The following UNC13A variants were observed in gnomAD, a reference collection of about 807,000 sequenced individuals.
UNC13A encodes unc-13 homolog A, also known as protein unc-13 homolog A.
In UNC13A, 61 loss-of-function variants were observed where a neutral mutation model predicts 219.7. The observed-to-expected ratio is 0.28, with a 90% CI of 0.23 to 0.34. The LOEUF (loss-of-function observed/expected upper bound fraction) is 0.34, where lower values mean the gene tolerates loss of function less well. Ranked by LOEUF, UNC13A falls within the 10% of genes least tolerant of loss-of-function variation. UNC13A has a pLI of 1.00. For missense variants in UNC13A, 1,476 were observed against 2,270.3 expected (o/e 0.65, Z 7.11); for synonymous variants, 920 against 884.6 (o/e 1.04, Z -0.71).
chr19:17,636,779 A>G (rs2076916708), intron 25 of UNC13A, among the ~76,000 whole-genome samples: 1 of 152,226 alleles, frequency 6.6e-6, no homozygotes, highest in South Asian at 2.1e-4. Flanking sequence ...GAATATAATC[A>G]GCTGAAATTA....
At chr19:17,616,389 G>C (rs919434224) in intron 41 of UNC13A, 1 of 692,404 alleles carries the variant, frequency 1.4e-6, no homozygotes, top group Admixed American at 2.0e-5. Flanking sequence ...GGCGGCGGGC[G>C]GGAGGCGGAG....
intron 6 of UNC13A, among the ~76,000 whole-genome samples, chr19:17,667,279 A>G (rs1374913552): frequency 6.6e-6 from 1 of 151,624 alleles, no homozygotes; most frequent in Non-Finnish European, 1.5e-5. Flanking sequence ...AGATGGGAAC[A>G]GTAGACATTG....
intron 7 of UNC13A, among the ~76,000 whole-genome samples, chr19:17,665,305 A>C (rs534436127): frequency 6.6e-6 from 1 of 152,172 alleles, no homozygotes; most frequent in African/African-American, 2.4e-5. Flanking sequence ...CTCTGCCCTG[A>C]GGCTATATGA....
Position 17,672,076 on chromosome 19 carries a change from G to C in UNC13A, c.270+302C>G, listed in dbSNP as rs556081206. On this transcript the variant is annotated intron_variant, in intron 4 of 43. Coordinates refer to ENST00000519716, the MANE Select transcript of UNC13A (RefSeq NM_001080421.3). Reference sequence around the variant, plus strand: ...CACATGTCTAAGTTCTGGCCAATGAGATGTGCATGAACCACCCCCCTCCCC... The same window carrying C: ...CACATGTCTAAGTTCTGGCCAATGACATGTGCATGAACCACCCCCCTCCCC... Among the ~76,000 whole-genome samples the C allele has an allele frequency of 3.3e-5, 5 of 152,228 alleles. No homozygotes were observed. The South Asian group carries it at 1.0e-3, about 32-fold the overall frequency.
chr19:17,634,243 T>A (rs2076888774), intron 26 of UNC13A, among the ~76,000 whole-genome samples: 1 of 151,730 alleles, frequency 6.6e-6, no homozygotes, highest in African/African-American at 2.4e-5. Context: ...TATTCATCCA[T>A]CCACCTATCC....
chr19:17,638,654 C>G (rs2076935896), intron 25 of UNC13A, among the ~76,000 whole-genome samples: 1 of 151,712 alleles, frequency 6.6e-6, no homozygotes, highest in Non-Finnish European at 1.5e-5. Flanking sequence ...ATGGTGAAAC[C>G]CCGTTTTTAC....
At chr19:17,645,502 G>A (rs925846828) in intron 19 of UNC13A, among the ~76,000 whole-genome samples, 172 bp downstream of exon 19, 1 of 151,884 alleles carries the variant, frequency 6.6e-6, no homozygotes, top group Non-Finnish European at 1.5e-5. Context: ...TCCTGGCCTG[G>A]GTGCTTCCTG....
At chr19:17,643,752 T>C (rs2076995178) in intron 19 of UNC13A, among the ~76,000 whole-genome samples, 1 of 152,114 alleles carries the variant, frequency 6.6e-6, no homozygotes, top group African/African-American at 2.4e-5. Context: ...GCTTCTTCAC[T>C]CAGATTAAGT....
chr19:17,613,406 C>CA (rs1357184862), intron 41 of UNC13A, among the ~76,000 whole-genome samples: 1 of 152,048 alleles, frequency 6.6e-6, no homozygotes, highest in Non-Finnish European at 1.5e-5. Context: ...AAGACTGTCT[C>CA]AAAAAACAAA....
intron 6 of UNC13A, among the ~76,000 whole-genome samples, chr19:17,667,524 A>G (rs559627342): frequency 7.9e-5 from 12 of 152,080 alleles, no homozygotes; most frequent in Admixed American, 7.9e-4. Flanking sequence ...CCCAGGCTGG[A>G]GTGCAGCAGC....
chr19:17,626,839 C>A, intron 33 of UNC13A, 54 bp from the exon 34 acceptor site: 1 of 1,564,806 alleles, frequency 6.4e-7, no homozygotes, highest in East Asian at 2.3e-5. Flanking sequence ...GATGAGGACA[C>A]AGATGCTGAT....
intron 34 of UNC13A, 104 bp downstream of exon 34, chr19:17,626,529 A>C (rs920911125): frequency 4.6e-6 from 6 of 1,298,434 alleles, no homozygotes; most frequent in Non-Finnish European, 6.1e-6. Context: ...TCCAGTGACC[A>C]CCCAGCAAAC....
chr19:17,651,085 G>A (rs1037696615), intron 12 of UNC13A, among the ~76,000 whole-genome samples: 2 of 151,408 alleles, frequency 1.3e-5, no homozygotes, highest in African/African-American at 2.4e-5. Flanking sequence ...TTACAGGTGC[G>A]CACCACGACA....
Position 17,620,738 on chromosome 19 carries a change from G to C in UNC13A, c.4243-16C>G, listed in dbSNP as rs777667025. 1 of 1,612,652 alleles carries C rather than the reference G, an allele frequency of 6.2e-7. No homozygotes were observed. The highest frequency in any genetic ancestry group is 1.1e-5 in the South Asian group (1 of 90,500). Reference sequence around the variant, plus strand: ...TCACCCTGCCCTGTGGAGAGAATCAGGTGGAGGTCAGAGTTCTGGTGACTG... The same window carrying C: ...TCACCCTGCCCTGTGGAGAGAATCACGTGGAGGTCAGAGTTCTGGTGACTG... On this transcript the variant is annotated splice_polypyrimidine_tract_variant and intron_variant, in intron 37 of 43. Transcript: ENST00000519716.
intron 37 of UNC13A, among the ~76,000 whole-genome samples, chr19:17,620,954 G>C (rs1044133482): frequency 1.3e-5 from 2 of 152,084 alleles, no homozygotes; most frequent in African/African-American, 2.4e-5. Context: ...TACCCAGGAG[G>C]CTGGAAGCAG....
intron 4 of UNC13A, 137 bp from the exon 5 acceptor site, chr19:17,669,813 GTCCT>G (rs1160784311): frequency 2.6e-5 from 27 of 1,037,096 alleles, no homozygotes; most frequent in Admixed American, 1.2e-4. Context: ...CTTTCCTTCC[GTCCT>G]TCCTTCCTTC....
chr19:17,610,458 C>T (rs2076590320), intron 42 of UNC13A, among the ~76,000 whole-genome samples: 1 of 151,950 alleles, frequency 6.6e-6, no homozygotes, highest in Non-Finnish European at 1.5e-5. Flanking sequence ...AAAGCAAGAT[C>T]CTGTCTAAAA....
Position 17,688,236 on chromosome 19 carries a change from C to G in UNC13A, c.-37G>C. 2.0e-6 allele frequency: 3 copies of G among 1,479,034 alleles called. No individual in the cohort carries two copies. The highest frequency in any genetic ancestry group is 1.8e-6 in the Non-Finnish European group (2 of 1,114,982). The allele number at this position is 1,479,034 out of a possible 1,614,324, so 91.6% of individuals were successfully genotyped here. Reference sequence around the variant, plus strand: ...CGCAGGTGGGCCGGAGGCGGCCGGGCCGGCTCTGTCGGGTCGGGCTCAGCG... The same window carrying G: ...CGCAGGTGGGCCGGAGGCGGCCGGGGCGGCTCTGTCGGGTCGGGCTCAGCG... On this transcript the variant is annotated 5_prime_UTR_variant, in exon 1 of 44. Coordinates refer to ENST00000519716, the MANE Select transcript of UNC13A (RefSeq NM_001080421.3).
At position 17,674,278 on chromosome 19, in the gene UNC13A, C is replaced by T. The variant is rs937033762; in HGVS notation, c.152+379G>A. On this transcript the variant is annotated intron_variant, in intron 3 of 43. Coordinates refer to ENST00000519716, the MANE Select transcript of UNC13A (RefSeq NM_001080421.3). This position sits in a 1 kb window ranked among gnomAD's most constrained non-coding sequence, Gnocchi z 5.0. The stretch of plus-strand genomic sequence containing the variant: ...TAGAGCGAGAACCTGGTGGGAATCA[C>T]GGGGAAGGCTGTGGGTTTTATTGTG... Among the ~76,000 whole-genome samples the T allele has an allele frequency of 6.6e-6, 1 of 152,090 alleles. No individual in the cohort carries two copies. Among genetic ancestry groups the T allele is most frequent in the African/African-American group, 2.4e-5 (1 of 41,400 alleles).
Sources: allele counts gnomAD v4.1 joint callset (sites outside exome capture counted in the v4.1 genomes callset), GRCh38; gene constraint gnomAD v4.1.1; non-coding constraint Gnocchi (gnomAD v3.1); transcripts MANE v1.5; gene names NCBI Gene and HGNC (gene_info 2026-07-23, HGNC 2026-07-21).